Variants in CSMD1 observed in about 807,000 individuals in gnomAD.
CSMD1 encodes the protein CUB and Sushi multiple domains 1, also known as CUB and sushi domain-containing protein 1.
CSMD1 carries 213 observed loss-of-function variants against 417.5 expected under a neutral mutation model. That is an observed-to-expected ratio of 0.51 (90% CI 0.46 to 0.57). CSMD1 has a LOEUF of 0.57. Among genes scored for constraint, CSMD1 ranks in the 20% least tolerant of loss-of-function variants. The pLI, the probability that CSMD1 is intolerant of heterozygous loss-of-function variation, is 0.00. For missense variants in CSMD1, 6,923 were observed against 4,529.7 expected (o/e 1.53, Z -15.17); for synonymous variants, 2,862 against 1,736.8 (o/e 1.65, Z -16.11).
At chr8:4,209,216 T>C (rs1800158660) in intron 3 of CSMD1, among the ~76,000 whole-genome samples, 1 of 151,822 alleles carries the variant, frequency 6.6e-6, no homozygotes, top group Admixed American at 6.6e-5. Context: ...TTCAACACTT[T>C]TAAAAAGACA....
chr8:3,465,627 C>A (rs909177461), intron 12 of CSMD1, among the ~76,000 whole-genome samples: 2 of 152,092 alleles, frequency 1.3e-5, no homozygotes, highest in Admixed American at 6.6e-5. Flanking sequence ...ATTTGAGGGT[C>A]CCCGAAATAT....
rs10094057 is a variant in CSMD1 at position 3,984,103 on chromosome 8, A to T, written c.818+13800T>A. On this transcript the variant is annotated intron_variant, in intron 5 of 69. Transcript: ENST00000635120. ...CCACAGATCTAACAGGGCTGTCAAT[A>T]GCAACTCTAGAGCACACAGCAGATC... Among the ~76,000 whole-genome samples, 20 of 17,430 alleles carry T rather than the reference A, an allele frequency of 1.1e-3. 1 individual carries two copies. In the East Asian group the frequency reaches 0.016, roughly 14 times the overall value. The allele number at this position is 17,430 out of a possible 152,430, so 11.4% of individuals were successfully genotyped here. A position where few individuals can be genotyped will look rare whatever the true frequency, so the allele number is the denominator to read the frequency against.
intron 1 of CSMD1, among the ~76,000 whole-genome samples, chr8:4,758,182 T>C (rs760171863): frequency 7.9e-5 from 12 of 152,146 alleles, no homozygotes; most frequent in Non-Finnish European, 1.5e-4. Flanking sequence ...CATTTCCTTC[T>C]GATAACAAGA....
intron 1 of CSMD1, among the ~76,000 whole-genome samples, chr8:4,866,355 A>G (rs951295709): frequency 6.6e-6 from 1 of 152,040 alleles, no homozygotes; most frequent in Non-Finnish European, 1.5e-5. Context: ...ACAACCAAAA[A>G]TAACAACTAC....
At chr8:4,735,368 A>C (rs1381032998) in intron 1 of CSMD1, among the ~76,000 whole-genome samples, 5 of 152,136 alleles carry the variant, frequency 3.3e-5, no homozygotes, top group Non-Finnish European at 7.3e-5. Context: ...TGCCAAGCCC[A>C]TTGTCTTTCT....
At chr8:4,717,478 A>C (rs963568912) in intron 1 of CSMD1, among the ~76,000 whole-genome samples, 3 of 151,244 alleles carry the variant, frequency 2.0e-5, no homozygotes, top group African/African-American at 7.3e-5. Flanking sequence ...ATACACACAC[A>C]CCCCTTTCTA....
At chr8:4,925,862 G>C (rs1585342506) in intron 1 of CSMD1, among the ~76,000 whole-genome samples, 1 of 152,002 alleles carries the variant, frequency 6.6e-6, no homozygotes, top group African/African-American at 2.4e-5. Flanking sequence ...CTGGCATTTT[G>C]TAATTGTGAA....
At chr8:4,133,915 A>T (rs148157467) in intron 3 of CSMD1, among the ~76,000 whole-genome samples, 1 of 152,226 alleles carries the variant, frequency 6.6e-6, no homozygotes, top group African/African-American at 2.4e-5. Flanking sequence ...TTATCCAGGG[A>T]AACAGAATAA....
At position 3,343,282 on chromosome 8, in the gene CSMD1, T is replaced by A; in HGVS notation, c.3631+12A>T. On this transcript the variant is annotated intron_variant, in intron 23 of 69. Transcript: ENST00000635120. ...ATGAAAAAAGAACGTGATTAAGTCGTATGTTACTTACTGGTATAGGTGAGT... is the reference window on the plus strand; with the variant it reads ...ATGAAAAAAGAACGTGATTAAGTCGAATGTTACTTACTGGTATAGGTGAGT... The A allele has an allele frequency of 1.2e-6, 2 of 1,610,082 alleles. No individual in the cohort carries two copies. Among genetic ancestry groups the A allele is most frequent in the Non-Finnish European group, 1.7e-6 (2 of 1,176,704 alleles).
intron 3 of CSMD1, among the ~76,000 whole-genome samples, chr8:4,043,612 G>C (rs909664732): frequency 6.6e-5 from 10 of 152,192 alleles, no homozygotes; most frequent in African/African-American, 2.4e-4. Flanking sequence ...AGCCAAACTG[G>C]AATTTCAAAA....
At chr8:4,262,051 T>C (rs752582047) in intron 3 of CSMD1, among the ~76,000 whole-genome samples, 3 of 152,212 alleles carry the variant, frequency 2.0e-5, no homozygotes, top group Non-Finnish European at 4.4e-5. Context: ...TGTCCCATAT[T>C]TTAGATTTAC....
At position 3,230,022 on chromosome 8, in the gene CSMD1, A is replaced by G; in HGVS notation, c.4345+18T>C. ...TCCATTCCTGAATATAAAATTTCTAAGTTCTGTTGTCTGATACCTATGCAT... is the reference window on the plus strand; with the variant it reads ...TCCATTCCTGAATATAAAATTTCTAGGTTCTGTTGTCTGATACCTATGCAT... On this transcript the variant is annotated intron_variant, in intron 27 of 69. Transcript: ENST00000635120. 1 of 1,491,266 alleles carries G rather than the reference A, an allele frequency of 6.7e-7. No homozygotes were observed. Among genetic ancestry groups the G allele is most frequent in the African/African-American group, 1.4e-5 (1 of 71,234 alleles). 92.4% of individuals were successfully genotyped at this position (1,491,266 alleles called of 1,614,324 possible).
chr8:4,238,190 G>A (rs184743449), intron 3 of CSMD1, among the ~76,000 whole-genome samples: 14 of 152,168 alleles, frequency 9.2e-5, no homozygotes, highest in Non-Finnish European at 1.5e-4. Flanking sequence ...TGCCAAGTAC[G>A]TCGATATTAA....
At chr8:4,054,259 T>G (rs1798579222) in intron 3 of CSMD1, among the ~76,000 whole-genome samples, 1 of 143,452 alleles carries the variant, frequency 7.0e-6, no homozygotes, top group African/African-American at 2.6e-5. Context: ...ACTTTGAGAG[T>G]TAAGAGGTGA....
intron 1 of CSMD1, among the ~76,000 whole-genome samples, chr8:4,765,320 T>G (rs1053677066): frequency 6.6e-6 from 1 of 152,192 alleles, no homozygotes; most frequent in Non-Finnish European, 1.5e-5. Context: ...ATCCCTTCTG[T>G]GACTGGGATC....
intron 3 of CSMD1, among the ~76,000 whole-genome samples, chr8:4,267,072 G>C (rs534786499): frequency 9.6e-6 from 1 of 103,688 alleles, no homozygotes; most frequent in Non-Finnish European, 2.6e-5. Flanking sequence ...CAAGAATAGA[G>C]TGTCTGTTTA....
At chr8:4,141,866 A>T (rs1015543519) in intron 3 of CSMD1, among the ~76,000 whole-genome samples, 2 of 151,126 alleles carry the variant, frequency 1.3e-5, no homozygotes, top group African/African-American at 4.9e-5. Flanking sequence ...TTAGATATTG[A>T]GAGTACCAAT....
rs1474248991 is a variant in CSMD1 at position 3,497,718 on chromosome 8, G to A, written c.1345-3992C>T. ...GCAGTGAGTTTCTTATAGGCAGTAT[G>A]CACTTAGATATTGCTTTTTAAATTA... On this transcript the variant is annotated intron_variant, in intron 10 of 69. Transcript: ENST00000635120. Among the ~76,000 whole-genome samples the A allele has an allele frequency of 2.6e-5, 4 of 152,172 alleles. No individual in the cohort carries two copies. The East Asian group carries it at 7.7e-4, about 29-fold the overall frequency.
At position 3,788,007 on chromosome 8, in the gene CSMD1, A is replaced by G. The variant is rs1038964569; in HGVS notation, c.819-33965T>C. Among the ~76,000 whole-genome samples, 21 of 152,168 alleles carry G rather than the reference A, an allele frequency of 1.4e-4. 1 individual carries two copies. Among genetic ancestry groups the G allele is most frequent in the Admixed American group, 2.0e-4 (3 of 15,282 alleles). Reference sequence around the variant, plus strand: ...GAGCTGTGAGTTTTAGACCAAGAGTAAAAAAGAGGTGTCTTTGGCTAGAGT... The same window carrying G: ...GAGCTGTGAGTTTTAGACCAAGAGTGAAAAAGAGGTGTCTTTGGCTAGAGT... On this transcript the variant is annotated intron_variant, in intron 5 of 69. Transcript: ENST00000635120.
Sources: gnomAD v4.1 joint callset for allele counts (sites outside exome capture counted in the v4.1 genomes callset) on GRCh38, gnomAD v4.1.1 for gene constraint, MANE v1.5 for transcripts, NCBI Gene and HGNC (gene_info 2026-07-23, HGNC 2026-07-21) for gene names.